MATN2: variants seen among roughly 807,000 people sequenced by gnomAD.
The protein encoded by MATN2 is matrilin 2, also known as matrilin-2.
MATN2 carries 69 observed loss-of-function variants against 103.2 expected under a neutral mutation model. That is an observed-to-expected ratio of 0.67 (90% CI 0.55 to 0.82). MATN2 has a LOEUF of 0.82. Among genes scored for constraint, MATN2 ranks in the 40% least tolerant of loss-of-function variants. The pLI is 0.00. For synonymous variants in MATN2, 429 were observed against 450.2 expected (o/e 0.95, Z 0.60); for missense variants, 1,023 against 1,211.5 (o/e 0.84, Z 2.31).
At chr8:97,908,844 G>T (rs894488273) in intron 2 of MATN2, among the ~76,000 whole-genome samples, 1 of 152,214 alleles carries the variant, frequency 6.6e-6, no homozygotes, top group African/African-American at 2.4e-5. Context: ...GGCCAGGCCA[G>T]TCTTGAACTC....
At chr8:97,915,307 T>C (rs997152627) in intron 2 of MATN2, among the ~76,000 whole-genome samples, 2 of 152,152 alleles carry the variant, frequency 1.3e-5, no homozygotes, top group Admixed American at 1.3e-4. Flanking sequence ...ATATTTTTTA[T>C]GAATCTTAAT....
At chr8:97,939,194 T>C (rs971420200) in intron 3 of MATN2, among the ~76,000 whole-genome samples, 5 of 152,078 alleles carry the variant, frequency 3.3e-5, no homozygotes, top group Admixed American at 6.6e-5. Flanking sequence ...TCGTATTTGA[T>C]ATATACCATT....
chr8:98,022,867 C>T (rs1057446390), intron 13 of MATN2, among the ~76,000 whole-genome samples: 1 of 152,118 alleles, frequency 6.6e-6, no homozygotes, highest in African/African-American at 2.4e-5. Flanking sequence ...ACGGGCAGAT[C>T]ACCTGAGATC....
intron 4 of MATN2, among the ~76,000 whole-genome samples, chr8:97,957,290 CAGAG>C (rs1364368558): frequency 6.6e-6 from 1 of 152,106 alleles, no homozygotes; most frequent in East Asian, 1.9e-4. Flanking sequence ...CTCCTGGCCT[CAGAG>C]AGAAAGAAGG....
intron 4 of MATN2, 115 bp from the exon 5 acceptor site, chr8:97,961,293 T>G: frequency 9.3e-7 from 1 of 1,074,990 alleles, no homozygotes; most frequent in Non-Finnish European, 1.3e-6. Flanking sequence ...AACCTTACAA[T>G]GTTTTTAAAA....
rs1445180478 is a variant in MATN2, at chr8:98,033,631, C to T, written c.2787C>T (p.Asn929=). 13 of 1,606,156 alleles carry T rather than the reference C, an allele frequency of 8.1e-6. No homozygotes were observed. The highest frequency in any genetic ancestry group is 4.5e-5 in the South Asian group (4 of 89,206). The change falls in exon 18 of 19, where the codon AAC becomes AAT. Residue 929 remains asparagine (N), a synonymous_variant. Transcript: ENST00000254898. ...ENLIMFQNLA[N]EEVRKLTQRL... is the part of the protein sequence containing the mutation. ...TTATAATGTTCCAGAACCTTGCAAA[C>T]GAAGAAGTAAGAAAATTAACACAGC...
intron 5 of MATN2, among the ~76,000 whole-genome samples, chr8:97,976,755 A>T (rs1287311103): frequency 6.8e-6 from 1 of 147,398 alleles, no homozygotes; most frequent in Non-Finnish European, 1.5e-5. Flanking sequence ...TTTTTTTGAG[A>T]CAGGGTCTTG....
chr8:97,978,844 C>T, intron 5 of MATN2, 42 bp from the exon 6 acceptor site: 1 of 1,609,252 alleles, frequency 6.2e-7, no homozygotes, highest in Non-Finnish European at 8.5e-7. Context: ...CCCTTTTCCT[C>T]TGTTTGCATT....
intron 1 of MATN2, among the ~76,000 whole-genome samples, chr8:97,885,283 A>T (rs1256257878): frequency 5.9e-5 from 9 of 152,248 alleles, no homozygotes; most frequent in Non-Finnish European, 1.2e-4. Flanking sequence ...ATAAAATCAT[A>T]AATCACATAT....
chr8:98,035,954 T>A lies in MATN2; in HGVS notation c.*242T>A, dbSNP rs1814234979. Reference sequence around the variant, plus strand: ...ATTTACCAGGTGAGAATGAATAAGCTATGCAAGGTATTTTGTAATATACTG... The same window carrying A: ...ATTTACCAGGTGAGAATGAATAAGCAATGCAAGGTATTTTGTAATATACTG... On this transcript the variant is annotated 3_prime_UTR_variant, in exon 19 of 19. Coordinates refer to ENST00000254898, the MANE Select transcript of MATN2 (RefSeq NM_002380.5). 2 of 364,230 alleles carry A rather than the reference T, an allele frequency of 5.5e-6. No homozygotes were observed. Among genetic ancestry groups the A allele is most frequent in the Non-Finnish European group, 9.8e-6 (2 of 204,460 alleles). 22.6% of individuals were successfully genotyped at this position (364,230 alleles called of 1,614,324 possible). A position where few individuals can be genotyped will look rare whatever the true frequency, so the allele number is the denominator to read the frequency against.
intron 6 of MATN2, among the ~76,000 whole-genome samples, chr8:97,988,429 C>T (rs1216775927): frequency 6.7e-6 from 1 of 150,086 alleles, no homozygotes; most frequent in Non-Finnish European, 1.5e-5. Flanking sequence ...AGTTCTAGAT[C>T]AGCCTGAGTA....
chr8:97,913,813 C>T lies in MATN2; in HGVS notation c.143-17140C>T, dbSNP rs192997173. 1.0e-3 allele frequency among the ~76,000 whole-genome samples: 155 copies of T among 152,256 alleles called. 1 individual carries two copies. Among genetic ancestry groups the T allele is most frequent in the African/African-American group, 3.5e-3 (147 of 41,550 alleles). On this transcript the variant is annotated intron_variant, in intron 2 of 18. Transcript: ENST00000254898. ...TATTCTTAGTACAGATGGGGTTTTG[C>T]CATGTTGGCCAGGCTGGCCTCGAAC...
intron 5 of MATN2, among the ~76,000 whole-genome samples, chr8:97,971,097 G>A (rs1339980998): frequency 6.6e-6 from 1 of 152,016 alleles, no homozygotes; most frequent in Non-Finnish European, 1.5e-5. Context: ...AATGGGGAGG[G>A]GTCTGGCATG....
intron 2 of MATN2, among the ~76,000 whole-genome samples, chr8:97,900,018 G>A (rs933778836): frequency 2.6e-5 from 4 of 152,166 alleles, no homozygotes; most frequent in African/African-American, 7.2e-5. Context: ...CTGTGCAGCC[G>A]GAATCCCAGG....
intron 10 of MATN2, among the ~76,000 whole-genome samples, chr8:98,012,504 T>C (rs974424088): frequency 5.3e-5 from 8 of 151,992 alleles, no homozygotes; most frequent in Non-Finnish European, 1.0e-4. Context: ...GGGAAATGCT[T>C]CACTAGGGGC....
At chr8:97,938,085 G>A (rs1810436526) in intron 3 of MATN2, among the ~76,000 whole-genome samples, 1 of 152,168 alleles carries the variant, frequency 6.6e-6, no homozygotes, top group East Asian at 1.9e-4. Context: ...GTCTCACCAA[G>A]AAGACAGGCA....
At chr8:97,989,608 C>T (rs1230507906) in intron 6 of MATN2, among the ~76,000 whole-genome samples, 1 of 152,094 alleles carries the variant, frequency 6.6e-6, no homozygotes, top group Non-Finnish European at 1.5e-5. Context: ...AGAATGTCCA[C>T]TCACACCACT....
chr8:97,909,291 A>T (rs1457710866), intron 2 of MATN2, among the ~76,000 whole-genome samples: 5 of 152,206 alleles, frequency 3.3e-5, no homozygotes, highest in African/African-American at 1.2e-4. Context: ...AATTTGTCAT[A>T]TGAGTCAGTC....
At chr8:97,973,376 A>G (rs1377234565) in intron 5 of MATN2, among the ~76,000 whole-genome samples, 1 of 152,170 alleles carries the variant, frequency 6.6e-6, no homozygotes, top group Admixed American at 6.5e-5. Context: ...TTATCTCATG[A>G]ATTGGGCCTG....
Sources: gnomAD v4.1 joint callset for allele counts (sites outside exome capture counted in the v4.1 genomes callset) on GRCh38, gnomAD v4.1.1 for gene constraint, MANE v1.5 for transcripts, NCBI Gene and HGNC (gene_info 2026-07-23, HGNC 2026-07-21) for gene names.